The following RBFOX1 variants were observed in gnomAD, a reference collection of about 807,000 sequenced individuals.
RBFOX1 encodes RNA binding protein fox-1 homolog 1.
RBFOX1 carries 8 observed loss-of-function variants against 57.7 expected under a neutral mutation model. The ratio of observed to expected loss-of-function variants is 0.14; its 90% confidence interval spans 0.08 to 0.25. The LOEUF (loss-of-function observed/expected upper bound fraction) is 0.25, where lower values mean the gene tolerates loss of function less well. Ranked by LOEUF, RBFOX1 falls within the 10% of genes least tolerant of loss-of-function variation. The pLI is 1.00. For missense variants in RBFOX1, 611 were observed against 548.5 expected (o/e 1.11, Z -1.14); for synonymous variants, 326 against 222.4 (o/e 1.47, Z -4.15).
At chr16:7,489,652 A>G (rs939453022) in intron 4 of RBFOX1, among the ~76,000 whole-genome samples, 28 of 151,910 alleles carry the variant, frequency 1.8e-4, no homozygotes, top group Non-Finnish European at 3.8e-4. Flanking sequence ...AGTAGCTGGG[A>G]TTACAGGCAC....
At chr16:6,786,001 A>T (rs1217865902) in intron 3 of RBFOX1, among the ~76,000 whole-genome samples, 1 of 152,146 alleles carries the variant, frequency 6.6e-6, no homozygotes, top group Non-Finnish European at 1.5e-5. Context: ...TGCTCCTTAA[A>T]CACCCCATCT....
chr16:6,175,841 T>G (rs1395199896), intron 1 of RBFOX1, among the ~76,000 whole-genome samples: 1 of 152,076 alleles, frequency 6.6e-6, no homozygotes, highest in African/African-American at 2.4e-5. Flanking sequence ...ATCAGAAATG[T>G]TAGCAATTGT....
chr16:6,689,405 A>G (rs1390272044), intron 3 of RBFOX1, among the ~76,000 whole-genome samples: 1 of 152,206 alleles, frequency 6.6e-6, no homozygotes, highest in Admixed American at 6.5e-5. Flanking sequence ...TGGGCAATAG[A>G]TAATACTTTT....
chr16:7,067,605 T>C (rs955446598), intron 4 of RBFOX1, among the ~76,000 whole-genome samples: 1 of 152,030 alleles, frequency 6.6e-6, no homozygotes, highest in Non-Finnish European at 1.5e-5. Flanking sequence ...TACGTATGTA[T>C]ACATGTGCCA....
rs192321095 is a variant in RBFOX1 at position 5,243,168 on chromosome 16, G to A, written c.219+3063G>A. Among the ~76,000 whole-genome samples, 350 of 152,292 alleles carry A rather than the reference G, an allele frequency of 2.3e-3. 12 individuals are homozygous for A. Among genetic ancestry groups the A allele is most frequent in the Admixed American group, 0.021 (318 of 15,304 alleles). On this transcript the variant is annotated intron_variant, in intron 1 of 2. Coordinates refer to the RBFOX1 transcript ENST00000585867. Reference sequence around the variant, plus strand: ...GTGTGTCTGACCCACAGCTGTTCCTGGAGGGAGAGAGAAGTCTCTCCTAGG... The same window carrying A: ...GTGTGTCTGACCCACAGCTGTTCCTAGAGGGAGAGAGAAGTCTCTCCTAGG...
At chr16:6,160,407 T>A (rs2096869394) in intron 1 of RBFOX1, among the ~76,000 whole-genome samples, 1 of 152,154 alleles carries the variant, frequency 6.6e-6, no homozygotes, top group South Asian at 2.1e-4. Flanking sequence ...AGCTAAAATA[T>A]ACTTGTCTAA....
chr16:6,796,841 A>G (rs571632521), intron 3 of RBFOX1, among the ~76,000 whole-genome samples: 2 of 152,322 alleles, frequency 1.3e-5, no homozygotes, highest in South Asian at 2.1e-4. Flanking sequence ...TTTGGGAATG[A>G]TAGAAGACAA....
At chr16:6,803,247 T>C (rs2085918976) in intron 3 of RBFOX1, among the ~76,000 whole-genome samples, 1 of 152,164 alleles carries the variant, frequency 6.6e-6, no homozygotes, top group South Asian at 2.1e-4. Flanking sequence ...GCTGTTAGCT[T>C]TCTGCATGAA....
At chr16:7,321,034 A>ATTTCT (rs2096535030) in intron 4 of RBFOX1, among the ~76,000 whole-genome samples, 2 of 148,288 alleles carry the variant, frequency 1.3e-5, no homozygotes, top group Non-Finnish European at 1.5e-5. Context: ...TTATTAGTAA[A>ATTTCT]CTGGAGACCA....
rs897654209 is a variant in RBFOX1 at position 6,889,743 on chromosome 16, T to C, written c.-15-162314T>C. Among the ~76,000 whole-genome samples, 9 of 152,296 alleles carry C rather than the reference T, an allele frequency of 5.9e-5. No homozygotes were observed. The South Asian group carries it at 1.5e-3, about 25-fold the overall frequency. Reference sequence around the variant, plus strand: ...GAAATTGGTTTGTGTAATCTTGGAATAGACCCTTCAGTGGTAAAAACCAGC... The same window carrying C: ...GAAATTGGTTTGTGTAATCTTGGAACAGACCCTTCAGTGGTAAAAACCAGC... On this transcript the variant is annotated intron_variant, in intron 3 of 15. Coordinates refer to ENST00000550418, the MANE Select transcript of RBFOX1 (RefSeq NM_018723.4).
chr16:7,156,176 T>G (rs2077082836), intron 4 of RBFOX1, among the ~76,000 whole-genome samples: 2 of 151,786 alleles, frequency 1.3e-5, no homozygotes, highest in Non-Finnish European at 2.9e-5. Flanking sequence ...GGCCGATCCC[T>G]CAACTCTTGA....
At chr16:6,289,764 C>G (rs952773241) in intron 1 of RBFOX1, among the ~76,000 whole-genome samples, 2 of 152,002 alleles carry the variant, frequency 1.3e-5, no homozygotes, top group Admixed American at 6.6e-5. Flanking sequence ...TTTGAGCAAA[C>G]AAAATAATGC....
At chr16:7,463,946 C>T (rs1028828426) in intron 4 of RBFOX1, among the ~76,000 whole-genome samples, 10 of 152,124 alleles carry the variant, frequency 6.6e-5, no homozygotes, top group African/African-American at 2.2e-4. Flanking sequence ...AAAGCCAAGA[C>T]ATTGAATGCT....
intron 4 of RBFOX1, among the ~76,000 whole-genome samples, chr16:7,413,726 A>G (rs2098452511): frequency 6.6e-6 from 1 of 152,088 alleles, no homozygotes; most frequent in Non-Finnish European, 1.5e-5. Flanking sequence ...CAAACAAGCA[A>G]AGGGGGTTAC....
At chr16:6,615,959 C>T (rs2098135207) in intron 2 of RBFOX1, among the ~76,000 whole-genome samples, 1 of 152,128 alleles carries the variant, frequency 6.6e-6, no homozygotes. Flanking sequence ...GGTACCGGTC[C>T]CTTGACGTTG....
intron 2 of RBFOX1, among the ~76,000 whole-genome samples, chr16:6,504,444 C>G (rs1015630535): frequency 1.3e-5 from 2 of 152,146 alleles, no homozygotes; most frequent in Non-Finnish European, 2.9e-5. Flanking sequence ...TATGGATGCA[C>G]AGAGTACCGG....
chr16:6,052,321 C>G (rs892664193), intron 1 of RBFOX1, among the ~76,000 whole-genome samples: 1 of 152,132 alleles, frequency 6.6e-6, no homozygotes, highest in African/African-American at 2.4e-5. Context: ...CCCAAGGTCA[C>G]GCAGAAATTT....
At chr16:7,230,696 T>C (rs569206352) in intron 4 of RBFOX1, among the ~76,000 whole-genome samples, 8 of 152,322 alleles carry the variant, frequency 5.3e-5, no homozygotes, top group African/African-American at 1.4e-4. Context: ...GGAGAGCCAC[T>C]TGGAGTTGAA....
At chr16:6,623,606 C>T (rs566697180) in intron 2 of RBFOX1, among the ~76,000 whole-genome samples, 2 of 152,026 alleles carry the variant, frequency 1.3e-5, no homozygotes, top group Admixed American at 1.3e-4. Context: ...CCCCACACCC[C>T]ACAACAGGCC....
Sources: gnomAD v4.1 joint callset for allele counts (sites outside exome capture counted in the v4.1 genomes callset) on GRCh38, gnomAD v4.1.1 for gene constraint, MANE v1.5 for transcripts, NCBI Gene and HGNC (gene_info 2026-07-23, HGNC 2026-07-21) for gene names.